The following VPS18 variants were observed in gnomAD, a reference collection of about 807,000 sequenced individuals.
VPS18 encodes the protein VPS18 core subunit of CORVET and HOPS complexes, also known as vacuolar protein sorting-associated protein 18 homolog.
VPS18 carries 25 observed loss-of-function variants against 82.0 expected under a neutral mutation model. The ratio of observed to expected loss-of-function variants is 0.30; its 90% confidence interval spans 0.22 to 0.43. VPS18 has a LOEUF of 0.43. Ranked by LOEUF, VPS18 falls within the 20% of genes least tolerant of loss-of-function variation. The probability of loss-of-function intolerance (pLI) is 1.00; values close to 1 mark genes in which losing one functional copy is unlikely to be tolerated. For missense variants in VPS18, 1,168 were observed against 1,311.1 expected, an observed-to-expected ratio of 0.89 and a Z score of 1.69; for synonymous variants, 523 against 543.0, an observed-to-expected ratio of 0.96 and a Z score of 0.51.
At position 40,896,008 on chromosome 15, in the gene VPS18, C is replaced by T. The variant is rs150401975; in HGVS notation, c.162C>T (p.Ser54=). ...FTKQRIDFTP[S]ERITSLVVSS... ...AGCAGCGCATTGACTTCACCCCTTC[C>T]GAGCGCATTACCAGTCTTGTCGTCT... Residue 54 remains serine (S), a synonymous_variant, in exon 2 of 5, where the codon TCC becomes TCT. Coordinates refer to ENST00000220509, the MANE Select transcript of VPS18 (RefSeq NM_020857.3). 18 of 1,614,032 alleles carry T rather than the reference C, an allele frequency of 1.1e-5. 1 individual carries two copies. Among genetic ancestry groups the T allele is most frequent in the South Asian group, 2.2e-5 (2 of 91,078 alleles).
At position 40,903,685 on chromosome 15, in the gene VPS18, G is replaced by A. The variant is rs1295181413; in HGVS notation, c.*344G>A. 5.1e-6 allele frequency: 1 copy of A among 196,436 alleles called. No individual in the cohort carries two copies. The highest frequency in any genetic ancestry group is 1.0e-5 in the Non-Finnish European group (1 of 97,388). The allele number at this position is 196,436 out of a possible 1,614,324, so 12.2% of individuals were successfully genotyped here. Reference sequence around the variant, plus strand: ...CACACACGTCCTGTTCACCTCGAGAGAGAGAGAGAGAGAGCACCTTTCTTC... The same window carrying A: ...CACACACGTCCTGTTCACCTCGAGAAAGAGAGAGAGAGAGCACCTTTCTTC... On this transcript the variant is annotated 3_prime_UTR_variant, in exon 5 of 5. Transcript: ENST00000220509.
At chr15:40,895,488 A>G (rs936579822) in intron 1 of VPS18, among the ~76,000 whole-genome samples, 4 of 152,146 alleles carry the variant, frequency 2.6e-5, no homozygotes, top group African/African-American at 9.7e-5. Context: ...CCTTCATTCA[A>G]TGCTCAAAAT....
In VPS18 at chr15:40,900,688, C is replaced by T. The variant is rs186884776; in HGVS notation, c.1870C>T (p.Arg624Cys). 8.7e-6 allele frequency: 14 copies of T among 1,614,200 alleles called. No homozygotes were observed. The highest frequency in any genetic ancestry group is 1.7e-5 in the Admixed American group (1 of 60,026). Reference protein sequence around the residue: ...WIEMGSRLDARQLIPALVNYS... With the variant: ...WIEMGSRLDACQLIPALVNYS... ...TGAGATGGGCAGCCGGCTGGATGCT[C>T]GTCAGCTCATTCCTGCCCTGGTGAA... The change falls in exon 4 of 5, where the codon CGT becomes TGT. Residue 624 changes from arginine (R) to cysteine (C), a missense_variant. Arg to Cys is a radical substitution (Grantham distance 180, BLOSUM62 -3). Around this residue, in one of 3 missense-constraint regions of VPS18, gnomAD observed 868 missense variants for 939.8 expected, o/e 0.92. Transcript: ENST00000220509. The surrounding 1 kb of genome is among the most constrained non-coding windows in gnomAD (Gnocchi z 5.4).
rs770852168 is a variant in VPS18 at position 40,900,394 on chromosome 15, T to C, written c.1576T>C (p.Phe526Leu). Residue 526 changes from phenylalanine (F) to leucine (L), a missense_variant, in exon 4 of 5, where the codon TTC becomes CTC. Physicochemically the swap from Phe to Leu is conservative, Grantham distance 22 (BLOSUM62 0). Coordinates refer to ENST00000220509, the MANE Select transcript of VPS18 (RefSeq NM_020857.3). This position sits in a 1 kb window ranked among gnomAD's most constrained non-coding sequence, Gnocchi z 5.4. ...AGAAACCAAGGAATGCTTTCGAACC[T>C]TCCTCAGCAGCCCCCGCCACAAAGA... ...YRETKECFRT[F>L]LSSPRHKEWL... 1 of 1,613,720 alleles carries C rather than the reference T, an allele frequency of 6.2e-7. No individual in the cohort carries two copies. The highest frequency in any genetic ancestry group is 1.7e-5 in the Admixed American group (1 of 60,010).
Position 40,899,526 on chromosome 15 carries a change from AGAGGGGGCT to A in VPS18, c.713_721del (p.Gly238_Glu240del), listed in dbSNP as rs1175211933. ...TCTTCCAGTTCATAGGCCGAGCAGC[AGAGGGGGCT>A]GAGGCCCAGGGTTTCTCAGGGCTCT... is the stretch of plus-strand genomic sequence containing the variant. On this transcript the variant is annotated inframe_deletion, in exon 4 of 5. Transcript: ENST00000220509. The surrounding 1 kb of genome is among the most constrained non-coding windows in gnomAD (Gnocchi z 4.4). 6.2e-7 allele frequency: 1 copy of A among 1,610,214 alleles called. No individual in the cohort carries two copies. Among genetic ancestry groups the A allele is most frequent in the Non-Finnish European group, 8.5e-7 (1 of 1,180,036 alleles).
chr15:40,903,047 T>C lies in VPS18; in HGVS notation c.2628T>C (p.Ala876=). The C allele has an allele frequency of 6.2e-7, 1 of 1,614,270 alleles. No homozygotes were observed. The highest frequency in any genetic ancestry group is 1.1e-5 in the South Asian group (1 of 91,088). Residue 876 remains alanine, a synonymous_variant, in exon 5 of 5, where the codon GCT becomes GCC. Coordinates refer to ENST00000220509, the MANE Select transcript of VPS18 (RefSeq NM_020857.3). ...YLFLCGHMFH[A]DCLLQAVRPG... is the part of the protein sequence containing the mutation. ...TCCTCTGTGGCCATATGTTCCATGC[T>C]GACTGCCTGCTGCAGGCTGTGCGAC...
intron 2 of VPS18, among the ~76,000 whole-genome samples, chr15:40,896,671 C>T (rs1372306296): frequency 2.6e-5 from 4 of 151,430 alleles, no homozygotes; most frequent in African/African-American, 2.4e-5. Context: ...GTTAGCCGGG[C>T]GTGGTGGCAG....
At position 40,903,338 on chromosome 15, in the gene VPS18, G is replaced by A; in HGVS notation, c.2919G>A (p.Leu973=). 5.2e-6 allele frequency: 8 copies of A among 1,529,108 alleles called. No individual in the cohort carries two copies. Among genetic ancestry groups the A allele is most frequent in the East Asian group, 2.3e-5 (1 of 44,118 alleles). 94.7% of individuals were successfully genotyped at this position (1,529,108 alleles called of 1,614,324 possible). A position where few individuals can be genotyped will look rare whatever the true frequency, so the allele number is the denominator to read the frequency against. The change falls in exon 5 of 5, where the codon CTG becomes CTA. Residue 973 remains leucine (L), a synonymous_variant. Coordinates refer to ENST00000220509, the MANE Select transcript of VPS18 (RefSeq NM_020857.3). ...ACGAGGAGGAGCAGCTCAGTTGGCT[G>A]TAGGAGGGTGTCACCTTTGATGGGG... is the stretch of plus-strand genomic sequence containing the variant. ...QRYEEEQLSW[L]
intron 2 of VPS18, 124 bp downstream of exon 2, chr15:40,896,203 T>A (rs193093641): frequency 1.7e-5 from 23 of 1,372,932 alleles, no homozygotes; most frequent in Non-Finnish European, 4.9e-6. Flanking sequence ...TCAGGAAATA[T>A]CCTATCCCTT....
Position 40,899,959 on chromosome 15 carries a change from T to C in VPS18, c.1141T>C (p.Tyr381His), listed in dbSNP as rs1892315465. Residue 381 changes from tyrosine to histidine, a missense_variant, in exon 4 of 5, where the codon TAC becomes CAC. Tyr to His is a moderately conservative substitution (Grantham distance 83). This residue lies in a region of VPS18 where 868 missense variants were observed against 939.8 expected (regional missense o/e 0.92). Transcript: ENST00000220509. This position sits in a 1 kb window ranked among gnomAD's most constrained non-coding sequence, Gnocchi z 4.4. ...CTCCTCCACAGGCCAGCTGTGGGCC[T>C]ACACTGAGCGGGCTGTCTTCCGCTA... is the stretch of plus-strand genomic sequence containing the variant. The part of the protein sequence containing the change: ...KDSSTGQLWA[Y>H]TERAVFRYHV... The C allele has an allele frequency of 1.9e-6, 3 of 1,613,916 alleles. No homozygotes were observed. The East Asian group carries it at 6.7e-5, about 36-fold the overall frequency.
chr15:40,899,819 A>T lies in VPS18; in HGVS notation c.1001A>T (p.His334Leu). 6.2e-7 allele frequency: 1 copy of T among 1,610,128 alleles called. No homozygotes were observed. Among genetic ancestry groups the T allele is most frequent in the Non-Finnish European group, 8.5e-7 (1 of 1,179,978 alleles). The part of the protein sequence containing the change: ...PPLAIVLTQF[H>L]FLLLLADRVE... ...CTAGCCATCGTCTTGACCCAGTTCC[A>T]CTTCCTGCTGCTACTGGCAGACCGG... The change falls in exon 4 of 5, where the codon CAC becomes CTC. Residue 334 changes from histidine to leucine, a missense_variant. Around this residue, in one of 3 missense-constraint regions of VPS18, gnomAD observed 868 missense variants for 939.8 expected, o/e 0.92. Coordinates refer to ENST00000220509, the MANE Select transcript of VPS18 (RefSeq NM_020857.3). This position sits in a 1 kb window ranked among gnomAD's most constrained non-coding sequence, Gnocchi z 4.4.
Position 40,900,904 on chromosome 15 carries a change from G to C in VPS18, c.2086G>C (p.Asp696His). The C allele has an allele frequency of 6.2e-7, 1 of 1,613,944 alleles. No individual in the cohort carries two copies. The highest frequency in any genetic ancestry group is 8.5e-7 in the Non-Finnish European group (1 of 1,180,036). Residue 696 changes from aspartate (D) to histidine (H), a missense_variant, in exon 4 of 5, where the codon GAC (aspartate) becomes CAC (histidine). By Grantham distance (81) the Asp-to-His change is moderately conservative (BLOSUM62 -1). Around this residue, in one of 3 missense-constraint regions of VPS18, gnomAD observed 868 missense variants for 939.8 expected, o/e 0.92. Transcript: ENST00000220509. This position sits in a 1 kb window ranked among gnomAD's most constrained non-coding sequence, Gnocchi z 5.4. ...AGASPHRVHY[D>H]LKYALRLCAE... is the part of the protein sequence containing the mutation. ...GGCCAGCCCCCACCGGGTGCATTAC[G>C]ACCTCAAGTATGCGCTGCGGCTCTG... is the stretch of plus-strand genomic sequence containing the variant.
chr15:40,903,380 C>A lies in VPS18; in HGVS notation c.*39C>A. On this transcript the variant is annotated 3_prime_UTR_variant, in exon 5 of 5. Transcript: ENST00000220509. ...TTGATGGGGGGTGGGCAATGGGGAG[C>A]AGTGGCTTGAACCCACTTGAGAAGG... 1 of 1,514,668 alleles carries A rather than the reference C, an allele frequency of 6.6e-7. No individual in the cohort carries two copies. The highest frequency in any genetic ancestry group is 8.8e-7 in the Non-Finnish European group (1 of 1,132,726). 93.8% of individuals were successfully genotyped at this position (1,514,668 alleles called of 1,614,324 possible).
intron 1 of VPS18, among the ~76,000 whole-genome samples, chr15:40,895,545 C>G (rs1892214805): frequency 6.6e-6 from 1 of 152,050 alleles, no homozygotes; most frequent in African/African-American, 2.4e-5. Context: ...ACCGCATGGG[C>G]AGGGAGGGGG....
At chr15:40,897,935 TTTG>T (rs926133711) in intron 2 of VPS18, among the ~76,000 whole-genome samples, 3 of 152,088 alleles carry the variant, frequency 2.0e-5, no homozygotes, top group Non-Finnish European at 4.4e-5. Context: ...TGAGAGGGTT[TTTG>T]TTGTTGTTGT....
rs1190792946 is a variant in VPS18 at position 40,900,324 on chromosome 15, G to A, written c.1506G>A (p.Arg502=). The change falls in exon 4 of 5, where the codon CGG becomes CGA. Residue 502 remains arginine (R), a synonymous_variant. Coordinates refer to ENST00000220509, the MANE Select transcript of VPS18 (RefSeq NM_020857.3). The surrounding 1 kb of genome is among the most constrained non-coding windows in gnomAD (Gnocchi z 5.4). ...GGCTGACAGAGCTCTACCTGAGCCG[G>A]CTTGGGGCTCTGCAGGGCGACCCAG... ...TTWLTELYLS[R]LGALQGDPEA... is the part of the protein sequence containing the mutation. 1.2e-6 allele frequency: 2 copies of A among 1,613,580 alleles called. No individual in the cohort carries two copies. The highest frequency in any genetic ancestry group is 2.2e-5 in the East Asian group (1 of 44,892).
chr15:40,903,050 C>T lies in VPS18; in HGVS notation c.2631C>T (p.Asp877=). The T allele has an allele frequency of 6.2e-7, 1 of 1,614,274 alleles. No individual in the cohort carries two copies. Among genetic ancestry groups the T allele is most frequent in the Non-Finnish European group, 8.5e-7 (1 of 1,180,056 alleles). The change falls in exon 5 of 5, where the codon GAC becomes GAT. Residue 877 remains aspartate, a synonymous_variant. Transcript: ENST00000220509. ...LFLCGHMFHA[D]CLLQAVRPGL... ...TCTGTGGCCATATGTTCCATGCTGA[C>T]TGCCTGCTGCAGGCTGTGCGACCTG...
rs1043786986 is a variant in VPS18, at chr15:40,899,969, G to C, written c.1151G>C (p.Arg384Pro). Residue 384 changes from arginine to proline, a missense_variant, in exon 4 of 5, where the codon CGG (arginine) becomes CCG (proline). Arg to Pro is a moderately radical substitution (Grantham distance 103, BLOSUM62 -2). Coordinates refer to ENST00000220509, the MANE Select transcript of VPS18 (RefSeq NM_020857.3). This position sits in a 1 kb window ranked among gnomAD's most constrained non-coding sequence, Gnocchi z 4.4. ...STGQLWAYTE[R>P]AVFRYHVQRE... ...GGCCAGCTGTGGGCCTACACTGAGC[G>C]GGCTGTCTTCCGCTACCACGTGCAA... 1.2e-6 allele frequency: 2 copies of C among 1,613,972 alleles called. No homozygotes were observed. The highest frequency in any genetic ancestry group is 1.7e-6 in the Non-Finnish European group (2 of 1,180,028).
Position 40,902,923 on chromosome 15 carries a change from G to A in VPS18, c.2504G>A (p.Arg835Gln), listed in dbSNP as rs200156144. Residue 835 changes from arginine (R) to glutamine (Q), a missense_variant, in exon 5 of 5, where the codon CGA becomes CAA. Coordinates refer to ENST00000220509, the MANE Select transcript of VPS18 (RefSeq NM_020857.3). The surrounding 1 kb of genome is among the most constrained non-coding windows in gnomAD (Gnocchi z 4.2). ...EATASAQRIR[R>Q]DLQELRGRYG... ...ACAGCCAGTGCCCAGCGCATCCGGCGAGACCTGCAGGAGCTGCGGGGCCGC... is the reference window on the plus strand; with the variant it reads ...ACAGCCAGTGCCCAGCGCATCCGGCAAGACCTGCAGGAGCTGCGGGGCCGC... The A allele has an allele frequency of 3.8e-4, 615 of 1,614,140 alleles. No homozygotes were observed. The highest frequency in any genetic ancestry group is 5.0e-4 in the Non-Finnish European group (585 of 1,180,060).
Sources: gnomAD v4.1 joint callset for allele counts (sites outside exome capture counted in the v4.1 genomes callset) on GRCh38, gnomAD v4.1.1 for gene constraint, gnomAD v4.1.1 regional missense constraint, Gnocchi (gnomAD v3.1) non-coding constraint, MANE v1.5 for transcripts, NCBI Gene and HGNC (gene_info 2026-07-23, HGNC 2026-07-21) for gene names.